TPD52: variants seen among roughly 807,000 people sequenced by gnomAD.
TPD52 encodes tumor protein D52.
In TPD52, 17 loss-of-function variants were observed where a neutral mutation model predicts 31.3. The observed-to-expected ratio is 0.54, with a 90% CI of 0.37 to 0.82. The LOEUF is 0.82. Among genes scored for constraint, TPD52 ranks in the 40% least tolerant of loss-of-function variants. The pLI is 0.00. For missense variants in TPD52, 212 were observed against 240.1 expected (o/e 0.88, Z 0.77); for synonymous variants, 83 against 89.6 (o/e 0.93, Z 0.42).
intron 6 of TPD52, 24 bp from the exon 7 acceptor site, chr8:80,042,692 A>G: frequency 1.3e-6 from 2 of 1,595,420 alleles, no homozygotes; most frequent in Non-Finnish European, 1.7e-6. Context: ...AGAAAAACAA[A>G]TAGTAAATAC....
chr8:80,048,396 G>C (rs1212599366), intron 5 of TPD52, among the ~76,000 whole-genome samples: 3 of 152,208 alleles, frequency 2.0e-5, no homozygotes, highest in African/African-American at 7.2e-5. Context: ...ACATTAAGGA[G>C]TAAAATCACC....
chr8:80,139,225 C>T (rs1274574765), intron 1 of TPD52, among the ~76,000 whole-genome samples: 1 of 152,316 alleles, frequency 6.6e-6, no homozygotes, highest in Admixed American at 6.5e-5. Flanking sequence ...ACAATTAGGA[C>T]AGTGTTTTGT....
intron 1 of TPD52, among the ~76,000 whole-genome samples, chr8:80,159,077 G>A (rs922773348): frequency 6.6e-6 from 1 of 151,520 alleles, no homozygotes; most frequent in Non-Finnish European, 1.5e-5. Context: ...AAAATGTTTC[G>A]TTTAAACTGG....
rs1021913925 is a variant in TPD52 at position 80,035,456 on chromosome 8, A to G, written c.*2660T>C. The stretch of plus-strand genomic sequence containing the variant: ...TATGAAGGGTTTGGAGAGAAGTTGC[A>G]TAATGGACTTGCCCCTTTCCTCAAT... On this transcript the variant is annotated 3_prime_UTR_variant, in exon 8 of 8. Coordinates refer to ENST00000518937, the MANE Select transcript of TPD52 (RefSeq NM_001025253.3). The G allele has an allele frequency of 6.6e-6, 1 of 152,250 alleles. No individual in the cohort carries two copies. The highest frequency in any genetic ancestry group is 2.4e-5 in the African/African-American group (1 of 41,464). 9.4% of individuals were successfully genotyped at this position (152,250 alleles called of 1,614,324 possible).
intron 7 of TPD52, 43 bp downstream of exon 7, chr8:80,042,577 C>T: frequency 1.9e-6 from 3 of 1,575,998 alleles, no homozygotes; most frequent in Non-Finnish European, 2.6e-6. Context: ...AATTAAGACA[C>T]CAGGCAATGT....
chr8:80,145,290 C>T (rs1006764896), intron 1 of TPD52, among the ~76,000 whole-genome samples: 2 of 152,200 alleles, frequency 1.3e-5, no homozygotes, highest in Non-Finnish European at 2.9e-5. Context: ...TAACAGTAAT[C>T]TTGTTTAATC....
rs537837842 is a variant in TPD52 at position 80,041,860 on chromosome 8, C to T, written c.504+760G>A. Among the ~76,000 whole-genome samples the T allele has an allele frequency of 4.6e-5, 7 of 152,160 alleles. No homozygotes were observed. In the East Asian group the frequency reaches 5.8e-4, roughly 13 times the overall value. On this transcript the variant is annotated intron_variant, in intron 7 of 7. Transcript: ENST00000518937. ...ATCCCAGCACTTTGGGAGGCCGAGG[C>T]GGGCGGATCACGAGGTCAGGAGATG... is the stretch of plus-strand genomic sequence containing the variant.
At chr8:80,058,097 T>C (rs1489199142) in intron 2 of TPD52, among the ~76,000 whole-genome samples, 1 of 152,122 alleles carries the variant, frequency 6.6e-6, no homozygotes, top group African/African-American at 2.4e-5. Flanking sequence ...ATTTTGTTGA[T>C]AATAAAACAA....
intron 1 of TPD52, among the ~76,000 whole-genome samples, chr8:80,155,227 T>C (rs956054311): frequency 1.1e-4 from 16 of 152,276 alleles, no homozygotes; most frequent in Admixed American, 7.2e-4. Flanking sequence ...GCAAATTTAA[T>C]CAATAAATGT....
intron 7 of TPD52, 69 bp from the exon 8 acceptor site, chr8:80,038,304 ACT>A: frequency 6.6e-7 from 1 of 1,521,140 alleles, no homozygotes; most frequent in African/African-American, 1.4e-5. Flanking sequence ...GCATAAAGTA[ACT>A]CTAATTCACT....
At chr8:80,048,925 A>T (rs544138627) in intron 5 of TPD52, among the ~76,000 whole-genome samples, 17 of 152,348 alleles carry the variant, frequency 1.1e-4, no homozygotes, top group African/African-American at 3.1e-4. Flanking sequence ...TATTTTTTAA[A>T]CAAAATGGAC....
intron 2 of TPD52, among the ~76,000 whole-genome samples, chr8:80,057,839 T>C (rs1483725150): frequency 1.3e-5 from 2 of 152,146 alleles, no homozygotes; most frequent in Admixed American, 1.3e-4. Context: ...TTTAAAAATG[T>C]TTTAAAAGGG....
downstream of TPD52, among the ~76,000 whole-genome samples, chr8:80,031,431 TAA>T (rs1809690760): frequency 6.6e-6 from 1 of 152,216 alleles, no homozygotes; most frequent in East Asian, 1.9e-4. Flanking sequence ...TCTTGGCAGT[TAA>T]AACTGTTTAT....
chr8:80,146,429 G>A (rs1810200346), intron 1 of TPD52, among the ~76,000 whole-genome samples: 1 of 152,222 alleles, frequency 6.6e-6, no homozygotes, highest in East Asian at 1.9e-4. Context: ...AAAGGGTCTA[G>A]TAAGCACATT....
At chr8:80,148,585 C>A (rs1194342269) in intron 1 of TPD52, among the ~76,000 whole-genome samples, 1 of 151,974 alleles carries the variant, frequency 6.6e-6, no homozygotes, top group East Asian at 1.9e-4. Flanking sequence ...TTTTTTAATT[C>A]TTTAACTTTC....
intron 1 of TPD52, among the ~76,000 whole-genome samples, chr8:80,160,160 C>A (rs1387022381): frequency 6.6e-6 from 1 of 151,046 alleles, no homozygotes; most frequent in African/African-American, 2.5e-5. Context: ...CACTGCACTC[C>A]AGCCTGGGTG....
In TPD52 at chr8:80,053,449, G is replaced by T; in HGVS notation, c.136-19C>A. 6.2e-7 allele frequency: 1 copy of T among 1,610,300 alleles called. No homozygotes were observed. The highest frequency in any genetic ancestry group is 1.1e-5 in the South Asian group (1 of 90,652). On this transcript the variant is annotated intron_variant, in intron 2 of 7. Transcript: ENST00000518937. ...CTTCTACCTATGAGGAAGGGGTTTGGGGTAAGAATATAGCAAAAGTCATTC... is the reference window on the plus strand; with the variant it reads ...CTTCTACCTATGAGGAAGGGGTTTGTGGTAAGAATATAGCAAAAGTCATTC...
chr8:80,104,041 G>C (rs1806927251), intron 1 of TPD52, among the ~76,000 whole-genome samples: 1 of 152,272 alleles, frequency 6.6e-6, no homozygotes. Context: ...TAAACATCCT[G>C]GGGCATAGCT....
At chr8:80,042,496 A>G in intron 7 of TPD52, 124 bp downstream of exon 7, 1 of 1,468,658 alleles carries the variant, frequency 6.8e-7, no homozygotes, top group Non-Finnish European at 9.0e-7. Context: ...CATAAGGAGT[A>G]AAGTTATTTA....
Sources: gnomAD v4.1 joint callset for allele counts (sites outside exome capture counted in the v4.1 genomes callset) on GRCh38, gnomAD v4.1.1 for gene constraint, MANE v1.5 for transcripts, NCBI Gene and HGNC (gene_info 2026-07-23, HGNC 2026-07-21) for gene names.